The following SATL1 variants were observed in gnomAD, a reference collection of about 807,000 sequenced individuals.
The protein encoded by SATL1 is spermidine/spermine N1-acetyl transferase like 1.
In SATL1, 47 loss-of-function variants were observed where a neutral mutation model predicts 51.8. The observed-to-expected ratio is 0.91, with a 90% CI of 0.72 to 1.16. The LOEUF (loss-of-function observed/expected upper bound fraction) is 1.16. Ranked by LOEUF, SATL1 falls within the 50% of genes most tolerant of loss-of-function variation. SATL1 has a pLI of 0.00. For synonymous variants in SATL1, 176 were observed against 182.4 expected, an observed-to-expected ratio of 0.97 and a Z score of 0.28; for missense variants, 520 against 526.4, an observed-to-expected ratio of 0.99 and a Z score of 0.12.
At chrX:85,164,723 ATT>A (rs200523833) in intron 2 of SATL1, among the ~76,000 whole-genome samples, 72 of 92,894 alleles carry the variant, frequency 7.8e-4, no homozygotes, top group Non-Finnish European at 1.1e-3. Context: ...TAGGTGATGA[ATT>A]TTTTTTTTTT....
chrX:85,149,080 G>T (rs961763118), intron 2 of SATL1, among the ~76,000 whole-genome samples: 1 of 111,400 alleles, frequency 9.0e-6, no homozygotes, highest in Non-Finnish European at 1.9e-5. Flanking sequence ...CATCTCACGT[G>T]CAGAGACACA....
chrX:85,099,562 G>A (rs1924834361), intron 4 of SATL1, among the ~76,000 whole-genome samples: 3 of 111,260 alleles, frequency 2.7e-5, no homozygotes, highest in African/African-American at 9.8e-5. Context: ...AATCAAGTGT[G>A]ATTTATCCTA....
chrX:85,172,898 A>G (rs928657514), intron 2 of SATL1, among the ~76,000 whole-genome samples: 1 of 111,664 alleles, frequency 9.0e-6, no homozygotes, highest in African/African-American at 3.2e-5. Flanking sequence ...CATCTATATT[A>G]AAAAGAAAAG....
At chrX:85,205,290 C>A (rs1927771155) in intron 2 of SATL1, among the ~76,000 whole-genome samples, 1 of 112,124 alleles carries the variant, frequency 8.9e-6, no homozygotes, top group South Asian at 3.7e-4. Context: ...CTACTATATG[C>A]CTAAAACCGT....
At chrX:85,229,634 C>A (rs779829549) in intron 1 of SATL1, among the ~76,000 whole-genome samples, 1 of 110,454 alleles carries the variant, frequency 9.1e-6, no homozygotes, top group African/African-American at 3.3e-5. Context: ...AAAAAAAAGT[C>A]TCAACAGATC....
At chrX:85,193,719 T>C (rs1260316520) in intron 2 of SATL1, among the ~76,000 whole-genome samples, 2 of 111,805 alleles carry the variant, frequency 1.8e-5, no homozygotes, top group Admixed American at 1.9e-4. Context: ...CCCTTCTTTG[T>C]GTTCATAGGT....
chrX:85,111,380 G>A (rs905237033), intron 2 of SATL1, among the ~76,000 whole-genome samples: 3 of 112,030 alleles, frequency 2.7e-5, no homozygotes, highest in African/African-American at 9.7e-5. Flanking sequence ...ATACATTTTT[G>A]CTTAAAGTTA....
rs183257114 is a variant in SATL1 at position 85,181,841 on chromosome X, A to G, written c.-313+42364T>C. 1.3e-4 allele frequency among the ~76,000 whole-genome samples: 14 copies of G among 111,867 alleles called. No individual in the cohort carries two copies. The East Asian group carries it at 3.6e-3, about 29-fold the overall frequency. ...TTGTAATACAAACTAGTAGATTATT[A>G]TAGGGAAAGATGCAAATTCTTTTTA... On this transcript the variant is annotated intron_variant, in intron 2 of 7. Transcript: ENST00000644105.
intron 2 of SATL1, among the ~76,000 whole-genome samples, chrX:85,157,452 C>G (rs1173869442): frequency 3.6e-5 from 4 of 111,212 alleles, no homozygotes; most frequent in African/African-American, 1.3e-4. Context: ...ATTTTGGTTG[C>G]CCATTTTTCC....
intron 2 of SATL1, among the ~76,000 whole-genome samples, chrX:85,176,151 T>C (rs1447020485): frequency 8.9e-6 from 1 of 112,009 alleles, no homozygotes; most frequent in Non-Finnish European, 1.9e-5. Context: ...AAATGGATCT[T>C]ATACATATAA....
intron 2 of SATL1, among the ~76,000 whole-genome samples, chrX:85,134,016 G>T: frequency 9.0e-6 from 1 of 111,706 alleles, no homozygotes; most frequent in Non-Finnish European, 1.9e-5. Flanking sequence ...TGCTCTTGAA[G>T]AAAATAAGTG....
rs764520690 is a variant in SATL1, at chrX:85,107,913, C to G, written c.1056G>C (p.Pro352=). The G allele has an allele frequency of 8.3e-7, 1 of 1,209,833 alleles. No individual in the cohort carries two copies. The highest frequency in any genetic ancestry group is 3.0e-5 in the East Asian group (1 of 33,687). ...GGCCTGATTGGCTTGGGGCTCGTTG[C>G]GGTGGACCTGGTTGGCTTATGCTTG... The part of the protein sequence containing the change: ...SEASISQPGP[P]QRAPSQSGPR... The change falls in exon 3 of 8, where the codon CCG becomes CCC. Residue 352 remains proline, a synonymous_variant. Coordinates refer to ENST00000644105, the MANE Select transcript of SATL1 (RefSeq NM_001367857.2).
intron 1 of SATL1, among the ~76,000 whole-genome samples, chrX:85,226,416 C>T (rs1433796160): frequency 2.7e-5 from 3 of 111,169 alleles, no homozygotes; most frequent in African/African-American, 9.8e-5. Flanking sequence ...CTTCCTTAAA[C>T]GCCCCCTAGC....
intron 2 of SATL1, among the ~76,000 whole-genome samples, chrX:85,195,868 A>G (rs1927548301): frequency 9.0e-6 from 1 of 110,777 alleles, no homozygotes; most frequent in South Asian, 3.8e-4. Flanking sequence ...CGTTGAGAGC[A>G]CGTTCAGAAC....
chrX:85,133,032 A>G (rs372840246), intron 2 of SATL1, among the ~76,000 whole-genome samples: 15 of 111,436 alleles, frequency 1.3e-4, no homozygotes, highest in African/African-American at 4.6e-4. Flanking sequence ...TGGAAGCTTC[A>G]TCTCAGAGGG....
intron 1 of SATL1, among the ~76,000 whole-genome samples, chrX:85,233,645 T>TA (rs1471832021): frequency 1.8e-5 from 2 of 112,064 alleles, no homozygotes; most frequent in African/African-American, 6.5e-5. Flanking sequence ...GTGATGGACA[T>TA]ACAGAAGAAT....
chrX:85,127,650 ATTATTT>A (rs1453528145), intron 2 of SATL1, among the ~76,000 whole-genome samples: 1 of 111,393 alleles, frequency 9.0e-6, no homozygotes, highest in Non-Finnish European at 1.9e-5. Context: ...GTGAATTATT[ATTATTT>A]TTATTATACT....
chrX:85,104,897 G>A (rs1468154274), intron 3 of SATL1, among the ~76,000 whole-genome samples: 1 of 111,389 alleles, frequency 9.0e-6, no homozygotes, highest in Non-Finnish European at 1.9e-5. Flanking sequence ...TCAATCCATG[G>A]TTGTTTGAAT....
chrX:85,183,118 G>C (rs1166087318), intron 2 of SATL1, among the ~76,000 whole-genome samples: 2 of 111,390 alleles, frequency 1.8e-5, no homozygotes, highest in Non-Finnish European at 3.8e-5. Context: ...TGTTGCATAT[G>C]CTTTTGAGGT....
Sources: allele counts gnomAD v4.1 joint callset (sites outside exome capture counted in the v4.1 genomes callset), GRCh38; gene constraint gnomAD v4.1.1; transcripts MANE v1.5; gene names NCBI Gene and HGNC (gene_info 2026-07-23, HGNC 2026-07-21).